Variants in MCU observed in about 807,000 individuals in gnomAD.
The protein encoded by MCU is calcium uniporter protein, mitochondrial.
In MCU, 12 loss-of-function variants were observed where a neutral mutation model predicts 45.2. That is an observed-to-expected ratio of 0.27 (90% CI 0.17 to 0.43). The LOEUF is 0.43. Among genes scored for constraint, MCU ranks in the 20% least tolerant of loss-of-function variants. MCU has a pLI of 1.00. For synonymous variants in MCU, 160 were observed against 165.1 expected (o/e 0.97, Z 0.24); for missense variants, 324 against 436.7 (o/e 0.74, Z 2.30).
In MCU at chr10:72,871,544, C is replaced by T; in HGVS notation, c.825C>T (p.Ala275=). The T allele has an allele frequency of 6.2e-7, 1 of 1,614,114 alleles. No individual in the cohort carries two copies. Among genetic ancestry groups the T allele is most frequent in the South Asian group, 1.1e-5 (1 of 91,068 alleles). The change falls in exon 6 of 8, where the codon GCC becomes GCT. Residue 275 remains alanine (A), a synonymous_variant. Coordinates refer to ENST00000373053, the MANE Select transcript of MCU (RefSeq NM_138357.3). Reference sequence around the variant, plus strand: ...CATACTTCATCACTTATGGAAGTGCCATGGCAATGTATGCATATTTTGTAA... The same window carrying T: ...CATACTTCATCACTTATGGAAGTGCTATGGCAATGTATGCATATTTTGTAA... ...PVTYFITYGS[A]MAMYAYFVMT...
intron 2 of MCU, among the ~76,000 whole-genome samples, chr10:72,841,279 C>T (rs1338280430): frequency 5.3e-5 from 8 of 151,920 alleles, no homozygotes; most frequent in Admixed American, 4.6e-4. Flanking sequence ...TGTTAAATTT[C>T]TTTGCCAAAA....
At chr10:72,822,025 C>T (rs568633534) in intron 1 of MCU, among the ~76,000 whole-genome samples, 32 of 152,298 alleles carry the variant, frequency 2.1e-4, no homozygotes, top group Admixed American at 1.3e-3. Flanking sequence ...CCTGTAATCC[C>T]AGCACTTTGG....
chr10:72,708,410 T>G (rs1842850134), intron 1 of MCU: 1 of 152,236 alleles, frequency 6.6e-6, no homozygotes, highest in Admixed American at 6.5e-5. Flanking sequence ...AATTCTGAGT[T>G]GTACCTTGCC....
At position 72,709,893 on chromosome 10, in the gene MCU, G is replaced by A. The variant is rs1842868584; in HGVS notation, c.150+17592G>A. Among the ~76,000 whole-genome samples, 2 of 152,100 alleles carry A rather than the reference G, an allele frequency of 1.3e-5. 1 individual carries two copies. The highest frequency in any genetic ancestry group is 4.1e-4 in the South Asian group (2 of 4,824). On this transcript the variant is annotated intron_variant, in intron 1 of 7. Coordinates refer to ENST00000373053, the MANE Select transcript of MCU (RefSeq NM_138357.3). ...TAAGTTTAATGTCTCATCCTGCATT[G>A]GTGTTCGATTCAGAATGAATTCAAG...
intron 1 of MCU, among the ~76,000 whole-genome samples, chr10:72,808,953 G>T (rs1267145196): frequency 6.6e-6 from 1 of 152,166 alleles, no homozygotes; most frequent in Admixed American, 6.5e-5. Flanking sequence ...AGATTTGGGT[G>T]GGGACACAGA....
intron 1 of MCU, among the ~76,000 whole-genome samples, chr10:72,808,952 T>C (rs188404694): frequency 6.6e-6 from 1 of 152,288 alleles, no homozygotes; most frequent in East Asian, 1.9e-4. Flanking sequence ...GAGATTTGGG[T>C]GGGGACACAG....
chr10:72,861,037 T>C (rs1227867451), intron 4 of MCU, among the ~76,000 whole-genome samples: 1 of 152,096 alleles, frequency 6.6e-6, no homozygotes, highest in Non-Finnish European at 1.5e-5. Context: ...TGTTTTTTGT[T>C]TTTTTGAGAC....
chr10:72,844,060 T>C (rs1379138170), intron 2 of MCU, among the ~76,000 whole-genome samples: 1 of 152,094 alleles, frequency 6.6e-6, no homozygotes. Flanking sequence ...GAGACCAGCC[T>C]AGGCAACTTG....
rs59423830 is a variant in MCU at position 72,751,993 on chromosome 10, C to T, written c.150+59692C>T. The stretch of plus-strand genomic sequence containing the variant: ...TAGCTAGGACTACAGGCACCCGCCA[C>T]CACGCTGAGCCAATTTTTTGTATTT... On this transcript the variant is annotated intron_variant, in intron 1 of 7. Coordinates refer to ENST00000373053, the MANE Select transcript of MCU (RefSeq NM_138357.3). Among the ~76,000 whole-genome samples the T allele has an allele frequency of 6.4e-3, 968 of 151,968 alleles. 15 individuals carry two copies. The highest frequency in any genetic ancestry group is 0.022 in the African/African-American group (929 of 41,468).
chr10:72,870,420 A>G (rs960513636), intron 5 of MCU, among the ~76,000 whole-genome samples: 2 of 151,632 alleles, frequency 1.3e-5, no homozygotes, highest in African/African-American at 2.4e-5. Flanking sequence ...CTGGGACTAC[A>G]GGCGCCTGCC....
At chr10:72,871,715 C>T in intron 6 of MCU, 135 bp downstream of exon 6, 1 of 697,734 alleles carries the variant, frequency 1.4e-6, no homozygotes, top group Non-Finnish European at 2.4e-6. Context: ...ACATGTGCCA[C>T]TTGTGTATTA....
At chr10:72,846,085 C>T (rs1385859676) in intron 2 of MCU, among the ~76,000 whole-genome samples, 1 of 152,014 alleles carries the variant, frequency 6.6e-6, no homozygotes, top group Non-Finnish European at 1.5e-5. Context: ...TGCTCTGTCA[C>T]AGGCTGGAGT....
intron 1 of MCU, among the ~76,000 whole-genome samples, chr10:72,733,856 T>G (rs1037085178): frequency 2.0e-5 from 3 of 151,786 alleles, no homozygotes; most frequent in Non-Finnish European, 4.4e-5. Context: ...AGAATTAACT[T>G]TTTATTATGA....
chr10:72,775,151 A>T (rs889251836), intron 1 of MCU, among the ~76,000 whole-genome samples: 1 of 152,180 alleles, frequency 6.6e-6, no homozygotes, highest in African/African-American at 2.4e-5. Context: ...AGGCCACAAA[A>T]CAAGTCTGAA....
intron 1 of MCU, among the ~76,000 whole-genome samples, chr10:72,832,236 TAGTAA>T (rs1844889358): frequency 6.6e-6 from 1 of 152,152 alleles, no homozygotes; most frequent in African/African-American, 2.4e-5. Context: ...GCCTAGTCAC[TAGTAA>T]AGTATTTTTA....
At chr10:72,766,797 T>C (rs568179963) in intron 1 of MCU, 1 of 152,310 alleles carries the variant, frequency 6.6e-6, no homozygotes, top group South Asian at 2.1e-4. Context: ...TTTTATTTAT[T>C]AAACTGTTTA....
chr10:72,804,888 C>G (rs900400113), intron 1 of MCU, among the ~76,000 whole-genome samples: 3 of 152,208 alleles, frequency 2.0e-5, no homozygotes, highest in African/African-American at 4.8e-5. Context: ...CTTGCCACCT[C>G]AGCCTTCCAA....
rs191882613 is a variant in MCU at position 72,801,518 on chromosome 10, T to C, written c.151-32841T>C. ...TCATGTTCTTCACATAAACCCTACT[T>C]CTGCTTGAGAGGCTTGGACTGACTC... On this transcript the variant is annotated intron_variant, in intron 1 of 7. Coordinates refer to ENST00000373053, the MANE Select transcript of MCU (RefSeq NM_138357.3). Among the ~76,000 whole-genome samples the C allele has an allele frequency of 6.6e-5, 10 of 151,792 alleles. 1 individual carries two copies. Among genetic ancestry groups the C allele is most frequent in the Admixed American group, 6.6e-4 (10 of 15,220 alleles).
chr10:72,845,752 C>T (rs1172192984), intron 2 of MCU, among the ~76,000 whole-genome samples: 5 of 152,038 alleles, frequency 3.3e-5, no homozygotes, highest in African/African-American at 1.2e-4. Context: ...TGTCGTTAAG[C>T]AATGTATTCA....
Sources: gnomAD v4.1 joint callset for allele counts (sites outside exome capture counted in the v4.1 genomes callset) on GRCh38, gnomAD v4.1.1 for gene constraint, MANE v1.5 for transcripts, NCBI Gene and HGNC (gene_info 2026-07-23, HGNC 2026-07-21) for gene names.